The following SNX29 variants were observed in gnomAD, a reference collection of about 807,000 sequenced individuals.
SNX29 encodes the protein sorting nexin-29.
SNX29 carries 78 observed loss-of-function variants against 102.1 expected under a neutral mutation model. The ratio of observed to expected loss-of-function variants is 0.76; its 90% CI spans 0.64 to 0.92. The LOEUF is 0.92. SNX29 is among the 40% of genes least tolerant of loss of function. SNX29 has a pLI of 0.00. For synonymous variants in SNX29, 580 were observed against 414.5 expected (o/e 1.40, Z -4.85); for missense variants, 1,280 against 1,061.7 (o/e 1.21, Z -2.86).
At chr16:12,259,422 G>A (rs2078668600) in intron 14 of SNX29, among the ~76,000 whole-genome samples, 2 of 152,120 alleles carry the variant, frequency 1.3e-5, no homozygotes. Flanking sequence ...CCTCCAGCCT[G>A]AGCAAGCCCT....
rs2079142785 is a variant in SNX29 at position 12,569,628 on chromosome 16, A to C, written c.*999A>C. ...ATTGTCCTTGATAACAGAACTCTGCATCCCCTAAGACAGAGTCCTCTGTTC... is the reference window on the plus strand; with the variant it reads ...ATTGTCCTTGATAACAGAACTCTGCCTCCCCTAAGACAGAGTCCTCTGTTC... On this transcript the variant is annotated 3_prime_UTR_variant, in exon 21 of 21. Coordinates refer to ENST00000566228, the MANE Select transcript of SNX29 (RefSeq NM_032167.5). The C allele has an allele frequency of 5.9e-6, 1 of 170,744 alleles. No homozygotes were observed. 10.6% of individuals were successfully genotyped at this position (170,744 alleles called of 1,614,324 possible).
chr16:12,170,646 T>C (rs984213591), intron 13 of SNX29, among the ~76,000 whole-genome samples: 2 of 151,694 alleles, frequency 1.3e-5, no homozygotes, highest in African/African-American at 4.8e-5. Flanking sequence ...GAGGGAGCTG[T>C]GGAGGGCGAC....
At chr16:12,016,951 A>T (rs904056722) in intron 3 of SNX29, among the ~76,000 whole-genome samples, 1 of 151,032 alleles carries the variant, frequency 6.6e-6, no homozygotes, top group Admixed American at 6.6e-5. Flanking sequence ...ACATAGTGAG[A>T]CCCCTGTCTT....
intron 13 of SNX29, among the ~76,000 whole-genome samples, chr16:12,136,766 G>A (rs547342170): frequency 1.3e-5 from 2 of 152,146 alleles, no homozygotes; most frequent in East Asian, 3.9e-4. Context: ...TTGAGACAGA[G>A]TCTCGCTCTG....
At chr16:12,124,291 G>C (rs2054109587) in intron 11 of SNX29, among the ~76,000 whole-genome samples, 1 of 150,750 alleles carries the variant, frequency 6.6e-6, no homozygotes, top group African/African-American at 2.4e-5. Flanking sequence ...TGGAGGCAGA[G>C]ATTGCAGTGA....
chr16:12,357,950 G>T (rs909582346), intron 16 of SNX29, among the ~76,000 whole-genome samples: 1 of 152,182 alleles, frequency 6.6e-6, no homozygotes, highest in Non-Finnish European at 1.5e-5. Context: ...TAGAGGCTTG[G>T]ATTCAGGTTT....
chr16:12,390,607 AG>A (rs766447981), intron 16 of SNX29, among the ~76,000 whole-genome samples: 44 of 152,216 alleles, frequency 2.9e-4, no homozygotes, highest in Non-Finnish European at 4.8e-4. Flanking sequence ...TGGAGCAGTC[AG>A]CCCCTCATTC....
rs149566768 is a variant in SNX29, at chr16:12,413,856, G to C, written c.2037+10327G>C. Among the ~76,000 whole-genome samples, 556 of 151,400 alleles carry C rather than the reference G, an allele frequency of 3.7e-3. 2 individuals carry two copies. The highest frequency in any genetic ancestry group is 0.013 in the African/African-American group (537 of 41,274). On this transcript the variant is annotated intron_variant, in intron 18 of 20. Coordinates refer to ENST00000566228, the MANE Select transcript of SNX29 (RefSeq NM_032167.5). ...TGGTGTCCATTGTTCTAAATGAGGC[G>C]GGATGTAAATTACCATACAGTCATC...
At chr16:12,407,221 T>A (rs1343769270) in intron 18 of SNX29, among the ~76,000 whole-genome samples, 1 of 152,226 alleles carries the variant, frequency 6.6e-6, no homozygotes, top group African/African-American at 2.4e-5. Context: ...AGAGGAAGTC[T>A]CTGTGTCACT....
chr16:12,520,654 G>C (rs941583097), intron 19 of SNX29, among the ~76,000 whole-genome samples: 1 of 152,148 alleles, frequency 6.6e-6, no homozygotes, highest in Non-Finnish European at 1.5e-5. Flanking sequence ...GCGGCAACTT[G>C]GATGAAGCAA....
chr16:12,334,901 CTTTT>C (rs36176543), intron 15 of SNX29, among the ~76,000 whole-genome samples: 37 of 93,638 alleles, frequency 4.0e-4, no homozygotes, highest in African/African-American at 1.1e-3. Context: ...GCCCCAGAGC[CTTTT>C]TTTTTTTTTT....
intron 16 of SNX29, among the ~76,000 whole-genome samples, chr16:12,365,179 G>C (rs1218524858): frequency 6.6e-6 from 1 of 152,084 alleles, no homozygotes; most frequent in Non-Finnish European, 1.5e-5. Flanking sequence ...GCAAAATATG[G>C]TGTCTGTTGT....
At position 12,096,862 on chromosome 16, in the gene SNX29, G is replaced by A. The variant is rs1468207450; in HGVS notation, c.1402+17947G>A. Among the ~76,000 whole-genome samples, 1 of 152,168 alleles carries A rather than the reference G, an allele frequency of 6.6e-6. No individual in the cohort carries two copies. Among genetic ancestry groups the A allele is most frequent in the Non-Finnish European group, 1.5e-5 (1 of 68,026 alleles). On this transcript the variant is annotated intron_variant, in intron 11 of 20. Transcript: ENST00000566228. The surrounding 1 kb of genome is among the most constrained non-coding windows in gnomAD (Gnocchi z 4.2). ...CCCTGGATTCCTTGCTCCCAGGAGG[G>A]GAAGGAGGAACCGATGACAGCAGGA...
intron 4 of SNX29, among the ~76,000 whole-genome samples, chr16:12,039,884 C>A (rs1364272745): frequency 6.6e-6 from 1 of 152,082 alleles, no homozygotes; most frequent in Non-Finnish European, 1.5e-5. Flanking sequence ...ATGGCGATGG[C>A]CTTGGTTGTG....
intron 3 of SNX29, among the ~76,000 whole-genome samples, chr16:12,021,914 A>G (rs74799632): frequency 2.6e-3 from 397 of 151,974 alleles, no homozygotes; most frequent in African/African-American, 9.0e-3. Context: ...AGATAGGACA[A>G]AGCTCATGAA....
At chr16:12,464,733 G>A (rs1053838159) in intron 18 of SNX29, among the ~76,000 whole-genome samples, 2 of 152,214 alleles carry the variant, frequency 1.3e-5, no homozygotes, top group African/African-American at 4.8e-5. Flanking sequence ...GGGATTATAG[G>A]CCTGAGCCAT....
intron 3 of SNX29, among the ~76,000 whole-genome samples, chr16:12,025,302 C>CAAAAAAAAAAAAA (rs35724715): frequency 3.3e-5 from 2 of 60,596 alleles, no homozygotes; most frequent in African/African-American, 7.1e-5. Flanking sequence ...AACTCCATCT[C>CAAAAAAAAAAAAA]AAAAAAAAAA....
In SNX29 at chr16:12,561,979, C is replaced by G. The variant is rs1339030640; in HGVS notation, c.2319-6527C>G. On this transcript the variant is annotated intron_variant, in intron 20 of 20. Coordinates refer to ENST00000566228, the MANE Select transcript of SNX29 (RefSeq NM_032167.5). ...GGGCATGATGTCCCCAGAGTGTCTA[C>G]CAGCTTGGTGACAATGGACCCTGCA... Among the ~76,000 whole-genome samples the G allele has an allele frequency of 2.6e-5, 4 of 152,238 alleles. No individual in the cohort carries two copies. In the East Asian group the frequency reaches 5.8e-4, roughly 22 times the overall value.
At chr16:12,527,990 ATT>A (rs59840717) in intron 20 of SNX29, among the ~76,000 whole-genome samples, 4 of 147,382 alleles carry the variant, frequency 2.7e-5, no homozygotes, top group African/African-American at 1.0e-4. Flanking sequence ...ATGCCTGGCT[ATT>A]TTTTTTTTAT....
Sources: allele counts gnomAD v4.1 joint callset (sites outside exome capture counted in the v4.1 genomes callset), GRCh38; gene constraint gnomAD v4.1.1; non-coding constraint Gnocchi (gnomAD v3.1); transcripts MANE v1.5; gene names NCBI Gene and HGNC (gene_info 2026-07-23, HGNC 2026-07-21).